WWOX: variants seen among roughly 807,000 people sequenced by gnomAD.
WWOX encodes the protein WW domain containing oxidoreductase.
Under a neutral mutation model 46.2 loss-of-function variants are expected in WWOX, and 69 were observed. The observed-to-expected ratio is 1.49, with a 90% CI of 1.23 to 1.82. The LOEUF is 1.82. Ranked by LOEUF, WWOX falls within the 40% of genes most tolerant of loss-of-function variation. WWOX has a pLI of 0.00. For synonymous variants in WWOX, 359 were observed against 202.6 expected (o/e 1.77, Z -6.56); for missense variants, 919 against 542.6 (o/e 1.69, Z -6.89).
chr16:78,758,395 A>C (rs564661537), intron 8 of WWOX, among the ~76,000 whole-genome samples: 1 of 152,328 alleles, frequency 6.6e-6, no homozygotes, highest in African/African-American at 2.4e-5. Context: ...GGGAATAATA[A>C]CTATGTCACC....
Position 78,753,825 on chromosome 16 carries a change from A to AATATATATAT in WWOX, c.1056+321094_1056+321103dup, listed in dbSNP as rs1159243014. Among the ~76,000 whole-genome samples the AATATATATAT allele has an allele frequency of 4.7e-3, 100 of 21,298 alleles. 2 individuals carry two copies. The highest frequency in any genetic ancestry group is 0.015 in the East Asian group (5 of 324). 14.0% of individuals were successfully genotyped at this position (21,298 alleles called of 152,430 possible). A position where few individuals can be genotyped will look rare whatever the true frequency, so the allele number is the denominator to read the frequency against. On this transcript the variant is annotated intron_variant, in intron 8 of 8. Coordinates refer to ENST00000566780, the MANE Select transcript of WWOX (RefSeq NM_016373.4). ...TCAAAAAAAAAAAAAAAAAAAAAAAAATATATATATATATATATATATATA... is the reference window on the plus strand; with the variant it reads ...TCAAAAAAAAAAAAAAAAAAAAAAAAATATATATATATATATATATATATATATATATATA...
chr16:78,863,428 G>A (rs909602511), intron 8 of WWOX, among the ~76,000 whole-genome samples: 4 of 152,280 alleles, frequency 2.6e-5, no homozygotes, highest in African/African-American at 7.2e-5. Context: ...ATAATATGCA[G>A]CATTATATTC....
At chr16:78,875,331 T>G (rs1597092916) in intron 8 of WWOX, among the ~76,000 whole-genome samples, 1 of 152,272 alleles carries the variant, frequency 6.6e-6, no homozygotes, top group African/African-American at 2.4e-5. Flanking sequence ...GCCATCTTGC[T>G]TTGTAAGCCT....
At chr16:78,290,883 A>G (rs1469019135) in intron 5 of WWOX, among the ~76,000 whole-genome samples, 2 of 152,208 alleles carry the variant, frequency 1.3e-5, no homozygotes, top group Admixed American at 1.3e-4. Flanking sequence ...GAAGGCTTAT[A>G]TTATTTCGTT....
At chr16:79,146,400 G>C (rs2050183452) in intron 8 of WWOX, among the ~76,000 whole-genome samples, 1 of 152,046 alleles carries the variant, frequency 6.6e-6, no homozygotes, top group Non-Finnish European at 1.5e-5. Flanking sequence ...TCCAGAACTG[G>C]CTTATATCAT....
chr16:78,437,279 G>A (rs1342427238), intron 8 of WWOX, among the ~76,000 whole-genome samples: 2 of 152,112 alleles, frequency 1.3e-5, no homozygotes, highest in African/African-American at 2.4e-5. Context: ...CAGTAATTAG[G>A]TCACTCTTCA....
chr16:78,150,312 C>G (rs1412978042), intron 4 of WWOX, among the ~76,000 whole-genome samples: 1 of 152,102 alleles, frequency 6.6e-6, no homozygotes, highest in African/African-American at 2.4e-5. Flanking sequence ...CCGGCATGCC[C>G]CTCTCCAGGC....
At chr16:78,245,222 T>C (rs1258999549) in intron 5 of WWOX, among the ~76,000 whole-genome samples, 1 of 152,222 alleles carries the variant, frequency 6.6e-6, no homozygotes, top group Non-Finnish European at 1.5e-5. Flanking sequence ...TGAACAGTGC[T>C]TTGAATGGGG....
Position 78,344,096 on chromosome 16 carries a change from G to A in WWOX, c.517-42764G>A, listed in dbSNP as rs184416814. Among the ~76,000 whole-genome samples, 81 of 118,614 alleles carry A rather than the reference G, an allele frequency of 6.8e-4. 18 individuals carry two copies. Among genetic ancestry groups the A allele is most frequent in the African/African-American group, 2.3e-3 (79 of 34,830 alleles). 77.8% of individuals were successfully genotyped at this position (118,614 alleles called of 152,430 possible). On this transcript the variant is annotated intron_variant, in intron 5 of 8. Coordinates refer to ENST00000566780, the MANE Select transcript of WWOX (RefSeq NM_016373.4). ...CCATTATTCTTCGTCACCACGGTCA[G>A]GTATATCATCCTAAGGGCAGAGGGT...
In WWOX at chr16:78,927,137, T is replaced by G. The variant is rs559929427; in HGVS notation, c.1057-284471T>G. Among the ~76,000 whole-genome samples the G allele has an allele frequency of 5.3e-5, 8 of 152,350 alleles. 1 individual carries two copies. The highest frequency in any genetic ancestry group is 5.2e-4 in the Admixed American group (8 of 15,304). On this transcript the variant is annotated intron_variant, in intron 8 of 8. Coordinates refer to ENST00000566780, the MANE Select transcript of WWOX (RefSeq NM_016373.4). ...CTGCGAGAAAGTCACTGTGATGGTT[T>G]CTCCAGCCTGAGTTTTCTCCTGTAT...
intron 8 of WWOX, among the ~76,000 whole-genome samples, chr16:78,859,050 GTATATATATATATAT>G (rs2052652230): frequency 9.8e-5 from 4 of 40,838 alleles, no homozygotes; most frequent in Non-Finnish European, 1.6e-4. Flanking sequence ...ATATATATAT[GTATATATATATATAT>G]ATATATATGA....
chr16:78,992,013 C>T (rs967335856), intron 8 of WWOX, among the ~76,000 whole-genome samples: 9 of 152,204 alleles, frequency 5.9e-5, no homozygotes, highest in Non-Finnish European at 1.0e-4. Flanking sequence ...CCTGAAGGAT[C>T]TTCTCCCTCT....
At chr16:78,527,584 G>C (rs918825963) in intron 8 of WWOX, among the ~76,000 whole-genome samples, 1 of 152,054 alleles carries the variant, frequency 6.6e-6, no homozygotes, top group Admixed American at 6.6e-5. Flanking sequence ...ATGAGCCATC[G>C]CGCCCAGCCA....
intron 8 of WWOX, among the ~76,000 whole-genome samples, chr16:78,606,124 C>A (rs1011527996): frequency 3.3e-5 from 5 of 152,178 alleles, no homozygotes; most frequent in African/African-American, 1.2e-4. Flanking sequence ...ACTACTAGTC[C>A]ACAACCAATC....
intron 8 of WWOX, among the ~76,000 whole-genome samples, chr16:78,984,605 C>T (rs1038143342): frequency 3.3e-5 from 5 of 152,212 alleles, no homozygotes; most frequent in South Asian, 2.1e-4. Flanking sequence ...TACTGACATA[C>T]TTCTACTCAA....
chr16:78,533,509 C>T (rs1265305258), intron 8 of WWOX, among the ~76,000 whole-genome samples: 2 of 152,024 alleles, frequency 1.3e-5, no homozygotes, highest in African/African-American at 4.8e-5. Context: ...CCGCATGTGG[C>T]CCACCAGCTA....
At chr16:78,373,048 C>T (rs866342923) in intron 5 of WWOX, among the ~76,000 whole-genome samples, 17 of 152,270 alleles carry the variant, frequency 1.1e-4, no homozygotes, top group African/African-American at 4.1e-4. Flanking sequence ...ACTTTTTCAA[C>T]TCTGTAATGT....
Position 78,490,993 on chromosome 16 carries a change from C to A in WWOX, c.1056+58241C>A, listed in dbSNP as rs531615547. On this transcript the variant is annotated intron_variant, in intron 8 of 8. Transcript: ENST00000566780. Reference sequence around the variant, plus strand: ...CCTGAGCTGCCCCCGAGTGACCGCTCCAGCCTTCTTTCCTTCCACCTCTCC... The same window carrying A: ...CCTGAGCTGCCCCCGAGTGACCGCTACAGCCTTCTTTCCTTCCACCTCTCC... Among the ~76,000 whole-genome samples the A allele has an allele frequency of 3.3e-5, 5 of 152,306 alleles. No individual in the cohort carries two copies. In the South Asian group the frequency reaches 8.3e-4, roughly 25 times the overall value.
At chr16:78,383,813 G>A (rs8055871) in intron 5 of WWOX, among the ~76,000 whole-genome samples, 99,008 of 152,058 alleles carry the variant, frequency 0.65, 33,261 homozygotes, top group Middle Eastern at 0.73. Context: ...GAATAACAGT[G>A]TGTGGACTTG....
Sources: allele counts gnomAD v4.1 joint callset (sites outside exome capture counted in the v4.1 genomes callset), GRCh38; gene constraint gnomAD v4.1.1; transcripts MANE v1.5; gene names NCBI Gene and HGNC (gene_info 2026-07-23, HGNC 2026-07-21).